CYP7B1: variants seen among roughly 807,000 people sequenced by gnomAD.
The protein encoded by CYP7B1 is cytochrome P450 7B1.
In CYP7B1, 29 loss-of-function variants were observed where a neutral mutation model predicts 42.7. The observed-to-expected ratio is 0.68, with a 90% CI of 0.51 to 0.93. The LOEUF (loss-of-function observed/expected upper bound fraction) is 0.93. Ranked by LOEUF, CYP7B1 falls within the 40% of genes least tolerant of loss-of-function variation. The probability of loss-of-function intolerance (pLI) is 0.00; values close to 1 mark genes in which losing one functional copy is unlikely to be tolerated. For missense variants in CYP7B1, 655 were observed against 600.5 expected (o/e 1.09, Z -0.95); for synonymous variants, 235 against 218.2 (o/e 1.08, Z -0.68).
chr8:64,625,639 G>A (rs1466408788), intron 1 of CYP7B1, among the ~76,000 whole-genome samples: 1 of 152,170 alleles, frequency 6.6e-6, no homozygotes, highest in East Asian at 1.9e-4. Flanking sequence ...GCTTGGTGAT[G>A]TGCAGTGGAA....
At chr8:64,742,608 A>C (rs1343457166) in intron 1 of CYP7B1, among the ~76,000 whole-genome samples, 3 of 152,196 alleles carry the variant, frequency 2.0e-5, no homozygotes, top group Non-Finnish European at 2.9e-5. Flanking sequence ...CTAAAAGTCC[A>C]AGATCAAGGT....
chr8:64,731,800 C>G (rs528918317), intron 1 of CYP7B1, among the ~76,000 whole-genome samples: 3 of 152,166 alleles, frequency 2.0e-5, no homozygotes, highest in Non-Finnish European at 4.4e-5. Context: ...TCCGGTGTCC[C>G]AGATGCTTCA....
intron 1 of CYP7B1, among the ~76,000 whole-genome samples, chr8:64,709,724 G>C (rs1319151697): frequency 6.6e-6 from 1 of 152,130 alleles, no homozygotes; most frequent in Middle Eastern, 3.4e-3. Context: ...AAGGATAAAC[G>C]GCATACACAG....
intron 1 of CYP7B1, among the ~76,000 whole-genome samples, chr8:64,637,882 T>C (rs894272190): frequency 3.9e-5 from 6 of 152,216 alleles, no homozygotes; most frequent in African/African-American, 1.4e-4. Flanking sequence ...GTCAGACATA[T>C]GGTCCTGTAA....
chr8:64,596,817 C>A lies in CYP7B1; in HGVS notation c.1346G>T (p.Cys449Phe). 6.2e-7 allele frequency: 1 copy of A among 1,614,084 alleles called. No homozygotes were observed. The highest frequency in any genetic ancestry group is 8.5e-7 in the Non-Finnish European group (1 of 1,179,972). Residue 449 changes from cysteine (C) to phenylalanine (F), a missense_variant, in exon 6 of 6, where the codon TGT becomes TTT. Coordinates refer to ENST00000310193, the MANE Select transcript of CYP7B1 (RefSeq NM_004820.5). ...CATAAGTGCAAAAAATCGGCCTGGA[C>A]ATTTGCTGGTTCCAGTTCCAAACGG... The part of the protein sequence containing the change: ...LMPFGTGTSK[C>F]PGRFFALMEI...
At chr8:64,796,528 T>C (rs1804704545) in intron 1 of CYP7B1, among the ~76,000 whole-genome samples, 1 of 152,218 alleles carries the variant, frequency 6.6e-6, no homozygotes, top group African/African-American at 2.4e-5. Flanking sequence ...AGTAGTAACA[T>C]AAATTGAGAC....
In CYP7B1 at chr8:64,778,174, AATATATAT is replaced by A. The variant is rs60859854; in HGVS notation, c.122+20284_122+20291del. Among the ~76,000 whole-genome samples the A allele has an allele frequency of 2.9e-4, 39 of 133,246 alleles. No homozygotes were observed. The South Asian group carries it at 5.9e-3, about 20-fold the overall frequency. 87.4% of individuals were successfully genotyped at this position (133,246 alleles called of 152,430 possible). ...AGCAAAAAGGGTAGAACTAGTTTGA[AATATATAT>A]ATATATATATATATATATGTATACA... On this transcript the variant is annotated intron_variant, in intron 1 of 5. Coordinates refer to ENST00000310193, the MANE Select transcript of CYP7B1 (RefSeq NM_004820.5).
At chr8:64,741,662 G>A (rs1435958238) in intron 1 of CYP7B1, among the ~76,000 whole-genome samples, 3 of 152,084 alleles carry the variant, frequency 2.0e-5, no homozygotes, top group Non-Finnish European at 2.9e-5. Context: ...AAGGTTATAG[G>A]ATACAAGGTT....
At chr8:64,674,871 T>A (rs948985045) in intron 1 of CYP7B1, among the ~76,000 whole-genome samples, 17 of 152,160 alleles carry the variant, frequency 1.1e-4, no homozygotes, top group Non-Finnish European at 1.8e-4. Flanking sequence ...AATAGCAATA[T>A]TTGTAAATTT....
intron 5 of CYP7B1, among the ~76,000 whole-genome samples, chr8:64,601,373 G>A (rs1039819743): frequency 1.3e-5 from 2 of 152,094 alleles, no homozygotes; most frequent in African/African-American, 4.8e-5. Context: ...AATGTCTGAC[G>A]TTTTTTCCCT....
downstream of CYP7B1, among the ~76,000 whole-genome samples, chr8:64,590,525 T>C (rs1444660259): frequency 1.3e-5 from 2 of 152,222 alleles, no homozygotes; most frequent in Non-Finnish European, 2.9e-5. Context: ...TATACTTCTG[T>C]CCACACTAAT....
intron 1 of CYP7B1, among the ~76,000 whole-genome samples, chr8:64,797,485 C>T (rs1159563631): frequency 6.6e-6 from 1 of 152,112 alleles, no homozygotes; most frequent in Non-Finnish European, 1.5e-5. Flanking sequence ...TGGAAGCGCA[C>T]ATTCCAGGAA....
chr8:64,657,690 A>C (rs1258745452), intron 1 of CYP7B1, among the ~76,000 whole-genome samples: 1 of 152,214 alleles, frequency 6.6e-6, no homozygotes, highest in Non-Finnish European at 1.5e-5. Flanking sequence ...TAGAATGGAG[A>C]TAAACAAAAC....
intron 1 of CYP7B1, among the ~76,000 whole-genome samples, chr8:64,762,168 T>G (rs1045694492): frequency 6.6e-6 from 1 of 152,324 alleles, no homozygotes; most frequent in African/African-American, 2.4e-5. Context: ...CTTTTTTTAG[T>G]GCACTAATAA....
intron 2 of CYP7B1, among the ~76,000 whole-genome samples, chr8:64,618,637 T>G (rs1805484252): frequency 6.6e-6 from 1 of 151,432 alleles, no homozygotes; most frequent in African/African-American, 2.4e-5. Context: ...TATTTCCTCC[T>G]CTCTCCTATC....
intron 1 of CYP7B1, among the ~76,000 whole-genome samples, chr8:64,724,363 T>C (rs945626616): frequency 2.0e-5 from 3 of 152,012 alleles, no homozygotes; most frequent in African/African-American, 7.2e-5. Flanking sequence ...GCCAGGCTTG[T>C]CTCTAACTCC....
intron 1 of CYP7B1, among the ~76,000 whole-genome samples, chr8:64,707,978 C>A (rs1242594176): frequency 1.3e-5 from 2 of 152,172 alleles, no homozygotes; most frequent in East Asian, 3.9e-4. Context: ...TAATTCTAAT[C>A]CCCTCAGGCT....
chr8:64,768,737 T>C lies in CYP7B1; in HGVS notation c.122+29729A>G, dbSNP rs1804154273. On this transcript the variant is annotated intron_variant, in intron 1 of 5. Coordinates refer to ENST00000310193, the MANE Select transcript of CYP7B1 (RefSeq NM_004820.5). ...TAGCTTATCTAAGATTATATGGTGG[T>C]ATGTGGCTAAGCTTTAATTCAAAGG... Among the ~76,000 whole-genome samples the C allele has an allele frequency of 2.0e-5, 3 of 152,182 alleles. No homozygotes were observed. The South Asian group carries it at 6.2e-4, about 31-fold the overall frequency.
At chr8:64,613,426 G>A (rs1805390055) in intron 4 of CYP7B1, among the ~76,000 whole-genome samples, 1 of 152,048 alleles carries the variant, frequency 6.6e-6, no homozygotes, top group African/African-American at 2.4e-5. Context: ...TTTTTTAAGA[G>A]TAATAACTAT....
Sources: allele counts gnomAD v4.1 joint callset (sites outside exome capture counted in the v4.1 genomes callset), GRCh38; gene constraint gnomAD v4.1.1; transcripts MANE v1.5; gene names NCBI Gene and HGNC (gene_info 2026-07-23, HGNC 2026-07-21).